DOCK3: variants seen among roughly 807,000 people sequenced by gnomAD.
DOCK3 encodes the protein dedicator of cytokinesis protein 3.
Under a neutral mutation model 265.6 loss-of-function variants are expected in DOCK3, and 60 were observed. That is an observed-to-expected ratio of 0.23 (90% CI 0.18 to 0.28). DOCK3 has a LOEUF of 0.28. Among genes scored for constraint, DOCK3 ranks in the 10% least tolerant of loss-of-function variants. The probability of loss-of-function intolerance (pLI) is 1.00; values close to 1 mark genes in which losing one functional copy is unlikely to be tolerated. For synonymous variants in DOCK3, 881 were observed against 938.0 expected (o/e 0.94, Z 1.11); for missense variants, 1,981 against 2,594.3 (o/e 0.76, Z 5.14).
At chr3:51,250,143 C>T (rs1462668882) in intron 22 of DOCK3, among the ~76,000 whole-genome samples, 1 of 151,660 alleles carries the variant, frequency 6.6e-6, no homozygotes, top group East Asian at 1.9e-4. Context: ...TGCGGAAGGC[C>T]GCAGGGTCCT....
intron 1 of DOCK3, among the ~76,000 whole-genome samples, chr3:50,738,268 A>G (rs1312804278): frequency 6.6e-6 from 1 of 152,136 alleles, no homozygotes; most frequent in African/African-American, 2.4e-5. Context: ...CCTGAGGTTC[A>G]TGGAAGTCAG....
intron 27 of DOCK3, among the ~76,000 whole-genome samples, chr3:51,301,161 T>G (rs2082340486): frequency 1.3e-5 from 2 of 152,196 alleles, no homozygotes; most frequent in Non-Finnish European, 2.9e-5. Flanking sequence ...ATTTATCCAT[T>G]TCTTCTAGAT....
chr3:50,817,295 G>T (rs890337347), intron 2 of DOCK3, among the ~76,000 whole-genome samples: 2 of 152,092 alleles, frequency 1.3e-5, no homozygotes, highest in Non-Finnish European at 2.9e-5. Context: ...GGGAAATGTA[G>T]CTCAGTAGGT....
chr3:50,690,985 A>G (rs2035198148), intron 1 of DOCK3, among the ~76,000 whole-genome samples: 1 of 151,812 alleles, frequency 6.6e-6, no homozygotes, highest in African/African-American at 2.4e-5. Flanking sequence ...GATAACTCAT[A>G]TAAATGTAAT....
At chr3:51,151,691 G>A (rs528402313) in intron 10 of DOCK3, among the ~76,000 whole-genome samples, 1 of 152,270 alleles carries the variant, frequency 6.6e-6, no homozygotes, top group Admixed American at 6.5e-5. Flanking sequence ...GGCAGGCCTG[G>A]TGGTGACAAA....
intron 22 of DOCK3, among the ~76,000 whole-genome samples, chr3:51,249,347 G>A (rs62257485): frequency 0.032 from 4,276 of 132,438 alleles, 93 homozygotes; most frequent in Non-Finnish European, 0.051. Context: ...GGCCCCGCCC[G>A]GCCAGCCGCC....
intron 5 of DOCK3, among the ~76,000 whole-genome samples, chr3:50,946,029 C>T (rs1415159313): frequency 7.1e-6 from 1 of 140,874 alleles, no homozygotes; most frequent in Non-Finnish European, 1.5e-5. Flanking sequence ...GAGTTTAAGG[C>T]TGCTGTGAGC....
chr3:51,104,141 A>G (rs1256192386), intron 9 of DOCK3, among the ~76,000 whole-genome samples: 2 of 152,136 alleles, frequency 1.3e-5, no homozygotes, highest in Non-Finnish European at 2.9e-5. Context: ...TCAGGTGAAT[A>G]TTTTGGAAAA....
Position 51,127,729 on chromosome 3 carries a change from A to G in DOCK3, c.747-18820A>G, listed in dbSNP as rs559079289. Among the ~76,000 whole-genome samples the G allele has an allele frequency of 3.0e-4, 46 of 152,262 alleles. 1 individual carries two copies. In the South Asian group the frequency reaches 9.5e-3, roughly 32 times the overall value. The stretch of plus-strand genomic sequence containing the variant: ...GTATTGATGACTACCTTCTTCTACT[A>G]CCCATTCTGTATTCCCTTTGCCTTC... On this transcript the variant is annotated intron_variant, in intron 9 of 52. Transcript: ENST00000266037.
Position 51,338,944 on chromosome 3 carries a change from A to G in DOCK3, c.3682A>G (p.Lys1228Glu). 6.2e-7 allele frequency: 1 copy of G among 1,606,768 alleles called. No individual in the cohort carries two copies. Among genetic ancestry groups the G allele is most frequent in the Non-Finnish European group, 8.5e-7 (1 of 1,176,358 alleles). ...CTTCTCTTTATTGTAGAATTTTTAC[A>G]AATCTGAGATTAACAAGGAAGAAAT... ...GCTVNLMNFY[K>E]SEINKEEMYI... is the part of the protein sequence containing the mutation. The change falls in exon 37 of 53, where the codon AAA (lysine) becomes GAA (glutamate). Residue 1228 changes from lysine (K) to glutamate (E), a missense_variant. Coordinates refer to ENST00000266037, the MANE Select transcript of DOCK3 (RefSeq NM_004947.5).
intron 3 of DOCK3, among the ~76,000 whole-genome samples, chr3:50,857,253 G>C (rs971717591): frequency 2.0e-5 from 3 of 152,128 alleles, no homozygotes; most frequent in African/African-American, 4.8e-5. Flanking sequence ...ATTGGTCGCA[G>C]CTCTTCTTTG....
intron 49 of DOCK3, among the ~76,000 whole-genome samples, chr3:51,366,581 A>T (rs1576955777): frequency 6.6e-6 from 1 of 152,186 alleles, no homozygotes; most frequent in African/African-American, 2.4e-5. Flanking sequence ...TTGTGATGTT[A>T]GGGTGTCAAT....
At chr3:51,251,620 C>A (rs914788457) in intron 22 of DOCK3, among the ~76,000 whole-genome samples, 4 of 152,242 alleles carry the variant, frequency 2.6e-5, no homozygotes, top group South Asian at 2.1e-4. Context: ...TCTAATGACC[C>A]GTGATGATGA....
intron 5 of DOCK3, among the ~76,000 whole-genome samples, chr3:50,955,878 C>T (rs1299326058): frequency 6.6e-6 from 1 of 152,184 alleles, no homozygotes; most frequent in African/African-American, 2.4e-5. Context: ...TTACCACTAA[C>T]TCTCCTGAAG....
At chr3:51,185,800 T>A (rs567146654) in intron 12 of DOCK3, among the ~76,000 whole-genome samples, 19 of 152,264 alleles carry the variant, frequency 1.2e-4, no homozygotes, top group African/African-American at 4.6e-4. Flanking sequence ...CACAAGCCCT[T>A]TTTTTTGCTT....
chr3:50,937,675 A>G (rs1252592318), intron 5 of DOCK3, among the ~76,000 whole-genome samples: 1 of 152,212 alleles, frequency 6.6e-6, no homozygotes, highest in Non-Finnish European at 1.5e-5. Flanking sequence ...CAACAGCAGC[A>G]ATGAAAAATT....
At chr3:51,274,167 G>A in intron 24 of DOCK3, among the ~76,000 whole-genome samples, 1 of 152,212 alleles carries the variant, frequency 6.6e-6, no homozygotes, top group Admixed American at 6.5e-5. Context: ...TAGGATTGGT[G>A]ATAAATGTTG....
Position 51,331,163 on chromosome 3 carries a change from A to T in DOCK3, c.3488+940A>T, listed in dbSNP as rs536898898. On this transcript the variant is annotated intron_variant, in intron 33 of 52. Transcript: ENST00000266037. The stretch of plus-strand genomic sequence containing the variant: ...GCCTGCACTCAGTTGCATGATCAGT[A>T]AGAGGCAGCTCTGGAAGGAGGGCCC... Among the ~76,000 whole-genome samples, 11 of 152,358 alleles carry T rather than the reference A, an allele frequency of 7.2e-5. No individual in the cohort carries two copies. The South Asian group carries it at 8.3e-4, about 11-fold the overall frequency.
At chr3:51,332,534 G>C (rs982400058) in intron 33 of DOCK3, among the ~76,000 whole-genome samples, 1 of 152,150 alleles carries the variant, frequency 6.6e-6, no homozygotes, top group Non-Finnish European at 1.5e-5. Context: ...CTTTCCCTTA[G>C]TTTCCATGAA....
Sources: allele counts gnomAD v4.1 joint callset (sites outside exome capture counted in the v4.1 genomes callset), GRCh38; gene constraint gnomAD v4.1.1; transcripts MANE v1.5; gene names NCBI Gene and HGNC (gene_info 2026-07-23, HGNC 2026-07-21).